SETBP1: variants seen among roughly 807,000 people sequenced by gnomAD.
The protein encoded by SETBP1 is SET binding protein 1, also known as SET-binding protein.
In SETBP1, 9 loss-of-function variants were observed where a neutral mutation model predicts 101.0. The ratio of observed to expected loss-of-function variants is 0.09; its 90% confidence interval spans 0.05 to 0.16. SETBP1 has a LOEUF of 0.16. Among genes scored for constraint, SETBP1 ranks in the 10% least tolerant of loss-of-function variants. The pLI is 1.00. For missense variants in SETBP1, 1,858 were observed against 2,033.8 expected, an observed-to-expected ratio of 0.91 and a Z score of 1.66; for synonymous variants, 818 against 788.5, an observed-to-expected ratio of 1.04 and a Z score of -0.63.
Position 44,951,586 on chromosome 18 carries a change from C to A in SETBP1, c.2246C>A (p.Pro749His), listed in dbSNP as rs546046887. Residue 749 changes from proline to histidine, a missense_variant, in exon 4 of 6, where the codon CCC becomes CAC. Transcript: ENST00000649279. The surrounding 1 kb of genome is among the most constrained non-coding windows in gnomAD (Gnocchi z 7.8). Reference protein sequence around the residue: ...SEEPKTAIKHPRPVSSQPDVP... With the variant: ...SEEPKTAIKHHRPVSSQPDVP... ...GAACCCAAAACAGCCATCAAGCACC[C>A]CAGGCCTGTTTCTAGCCAGCCGGAT... The A allele has an allele frequency of 1.2e-6, 2 of 1,614,168 alleles. No homozygotes were observed. Among genetic ancestry groups the A allele is most frequent in the Admixed American group, 3.3e-5 (2 of 60,026 alleles).
chr18:44,984,004 C>T (rs139040475), intron 4 of SETBP1, among the ~76,000 whole-genome samples: 1 of 151,090 alleles, frequency 6.6e-6, no homozygotes, highest in African/African-American at 2.4e-5. Flanking sequence ...AGTTCGAGAC[C>T]ACCCCGGCTA....
intron 3 of SETBP1, among the ~76,000 whole-genome samples, chr18:44,928,925 T>G (rs2070763016): frequency 1.3e-5 from 2 of 152,224 alleles, no homozygotes; most frequent in Non-Finnish European, 2.9e-5. Flanking sequence ...GCAGAAGCTC[T>G]TTAGTTTAAT....
At chr18:44,866,731 G>A (rs919955353) in intron 2 of SETBP1, among the ~76,000 whole-genome samples, 8 of 152,172 alleles carry the variant, frequency 5.3e-5, no homozygotes, top group Non-Finnish European at 8.8e-5. Flanking sequence ...CCTCATCCCA[G>A]CCTTTTATTT....
intron 2 of SETBP1, among the ~76,000 whole-genome samples, chr18:44,722,376 T>A (rs1055619864): frequency 6.6e-6 from 1 of 152,210 alleles, no homozygotes; most frequent in East Asian, 1.9e-4. Flanking sequence ...CACACAATTT[T>A]GCCTCAATTC....
At chr18:45,028,067 T>A (rs1006243296) in intron 4 of SETBP1, among the ~76,000 whole-genome samples, 1 of 152,150 alleles carries the variant, frequency 6.6e-6, no homozygotes, top group African/African-American at 2.4e-5. Context: ...ACGTGCAGGT[T>A]AGTTACGTAT....
At chr18:44,790,757 A>G (rs141615616) in intron 2 of SETBP1, among the ~76,000 whole-genome samples, 113 of 152,274 alleles carry the variant, frequency 7.4e-4, no homozygotes, top group Non-Finnish European at 1.3e-3. Context: ...GGGATTTTTA[A>G]GAGTTGTGTG....
intron 2 of SETBP1, among the ~76,000 whole-genome samples, chr18:44,821,182 A>G (rs2072107272): frequency 6.6e-6 from 1 of 152,166 alleles, no homozygotes; most frequent in Non-Finnish European, 1.5e-5. Context: ...TGTTGTTTTC[A>G]TACGTGAAAT....
chr18:44,787,607 C>A (rs1380524771), intron 2 of SETBP1, among the ~76,000 whole-genome samples: 1 of 151,562 alleles, frequency 6.6e-6, no homozygotes, highest in Non-Finnish European at 1.5e-5. Context: ...GTAATCCCAG[C>A]ACTTTGGGAG....
chr18:44,870,706 T>G, intron 3 of SETBP1: 1 of 152,146 alleles, frequency 6.6e-6, no homozygotes, highest in African/African-American at 2.4e-5. Context: ...TCCAGGTAAA[T>G]ATTTTGTTTT....
intron 3 of SETBP1, among the ~76,000 whole-genome samples, chr18:44,948,173 A>G (rs550908703): frequency 6.6e-6 from 1 of 152,322 alleles, no homozygotes; most frequent in South Asian, 2.1e-4. Context: ...AAGTTGCAAG[A>G]TGAATTAAAA....
At chr18:44,905,110 A>T (rs2070142541) in intron 3 of SETBP1, among the ~76,000 whole-genome samples, 1 of 152,206 alleles carries the variant, frequency 6.6e-6, no homozygotes, top group African/African-American at 2.4e-5. Context: ...TATAGAGGTG[A>T]GTAGCTTTAG....
intron 2 of SETBP1, among the ~76,000 whole-genome samples, chr18:44,839,314 T>C (rs2072565362): frequency 6.6e-6 from 1 of 152,184 alleles, no homozygotes; most frequent in African/African-American, 2.4e-5. Context: ...TCTAATCTGT[T>C]TCTCCACTTC....
At chr18:45,015,879 T>C (rs11876574) in intron 4 of SETBP1, among the ~76,000 whole-genome samples, 49,483 of 152,080 alleles carry the variant, frequency 0.33, 8,199 homozygotes, top group East Asian at 0.53. Flanking sequence ...GGGGATATTC[T>C]GTTCTTGAGT....
intron 2 of SETBP1, among the ~76,000 whole-genome samples, chr18:44,851,334 G>A (rs550778644): frequency 6.6e-6 from 1 of 152,300 alleles, no homozygotes; most frequent in South Asian, 2.1e-4. Context: ...GCACAGAGAA[G>A]TGGGATATCA....
At chr18:44,869,823 G>A (rs1163136896) in intron 3 of SETBP1, 1 of 192,252 alleles carries the variant, frequency 5.2e-6, no homozygotes, top group African/African-American at 2.3e-5. Flanking sequence ...GGCAAACTGT[G>A]TGAGGATGTA....
intron 3 of SETBP1, among the ~76,000 whole-genome samples, chr18:44,880,300 A>G (rs1366234385): frequency 1.3e-5 from 2 of 152,230 alleles, no homozygotes; most frequent in Non-Finnish European, 2.9e-5. Flanking sequence ...TCCAGGCTGC[A>G]GAACTCTTGT....
intron 3 of SETBP1, among the ~76,000 whole-genome samples, chr18:44,918,686 G>T (rs2070505490): frequency 6.6e-6 from 1 of 152,218 alleles, no homozygotes; most frequent in Admixed American, 6.5e-5. Context: ...TTCTCGTGCA[G>T]TTCTACCTAG....
chr18:44,839,406 TTGC>T (rs80013756), intron 2 of SETBP1, among the ~76,000 whole-genome samples: 10,124 of 151,898 alleles, frequency 0.067, 381 homozygotes, highest in East Asian at 0.15. Context: ...AACCTGGGTG[TTGC>T]TGCTGCTGCT....
intron 4 of SETBP1, among the ~76,000 whole-genome samples, chr18:44,989,409 T>C (rs2072307090): frequency 6.6e-6 from 1 of 152,090 alleles, no homozygotes; most frequent in Admixed American, 6.5e-5. Context: ...TTATATGTAA[T>C]ATAGACAGAA....
Sources: gnomAD v4.1 joint callset for allele counts (sites outside exome capture counted in the v4.1 genomes callset) on GRCh38, gnomAD v4.1.1 for gene constraint, Gnocchi (gnomAD v3.1) non-coding constraint, MANE v1.5 for transcripts, NCBI Gene and HGNC (gene_info 2026-07-23, HGNC 2026-07-21) for gene names.